Variants in ANKMY2 observed in about 807,000 individuals in gnomAD.
ANKMY2 encodes ankyrin repeat and MYND domain containing 2.
In ANKMY2, 36 loss-of-function variants were observed where a neutral mutation model predicts 50.4. That is an observed-to-expected ratio of 0.71 (90% CI 0.55 to 0.94). ANKMY2 has a LOEUF of 0.94. Among genes scored for constraint, ANKMY2 ranks in the 40% least tolerant of loss-of-function variants. The pLI is 0.00. For synonymous variants in ANKMY2, 187 were observed against 178.8 expected (o/e 1.05, Z -0.36); for missense variants, 565 against 524.0 (o/e 1.08, Z -0.76).
Position 16,609,629 on chromosome 7 carries a change from C to G in ANKMY2, c.882+1G>C. On this transcript the variant is annotated splice_donor_variant, in intron 7 of 9. Transcript: ENST00000306999. LOFTEE classifies it high-confidence loss of function. ...GTCAACTTAGGTAAGAGGAGCCTTA[C>G]AATTTCAACAGGAGCAATGCTTCGA... 6.3e-7 allele frequency: 1 copy of G among 1,597,436 alleles called. No individual in the cohort carries two copies. Among genetic ancestry groups the G allele is most frequent in the South Asian group, 1.1e-5 (1 of 87,720 alleles).
At chr7:16,638,865 A>G (rs970531624) in intron 1 of ANKMY2, among the ~76,000 whole-genome samples, 1 of 7,194 alleles carries the variant, frequency 1.4e-4, no homozygotes, top group African/African-American at 7.8e-4. Flanking sequence ...CTAGCACCCC[A>G]TTGTTCAGGA....
At chr7:16,628,268 T>C (rs1781533370) in intron 2 of ANKMY2, among the ~76,000 whole-genome samples, 3 of 152,202 alleles carry the variant, frequency 2.0e-5, no homozygotes, top group Admixed American at 2.0e-4. Context: ...AAATTATTCT[T>C]GATGCTTCCA....
intron 2 of ANKMY2, among the ~76,000 whole-genome samples, chr7:16,632,565 T>C (rs1781604094): frequency 6.6e-6 from 1 of 152,244 alleles, no homozygotes; most frequent in Admixed American, 6.5e-5. Flanking sequence ...GGTTGATGCA[T>C]GTTGTAGCAA....
intron 7 of ANKMY2, among the ~76,000 whole-genome samples, chr7:16,609,163 G>C (rs943189838): frequency 9.9e-5 from 15 of 152,144 alleles, no homozygotes; most frequent in African/African-American, 2.9e-4. Context: ...ATTATAGGAA[G>C]CTGAGGCATA....
chr7:16,601,577 TTTAA>T (rs1377769641), intron 9 of ANKMY2, among the ~76,000 whole-genome samples: 1 of 152,224 alleles, frequency 6.6e-6, no homozygotes, highest in Non-Finnish European at 1.5e-5. Flanking sequence ...GGATAAATGG[TTTAA>T]TTGTGTACAA....
intron 8 of ANKMY2, 87 bp from the exon 9 acceptor site, chr7:16,602,596 A>T: frequency 1.4e-6 from 2 of 1,460,442 alleles, no homozygotes; most frequent in Non-Finnish European, 1.8e-6. Flanking sequence ...CTAAGCTATA[A>T]AAATGTCATT....
intron 4 of ANKMY2, among the ~76,000 whole-genome samples, chr7:16,620,948 A>G (rs954608205): frequency 6.6e-6 from 1 of 152,216 alleles, no homozygotes; most frequent in African/African-American, 2.4e-5. Flanking sequence ...ATACAATGAT[A>G]AAACCAATAG....
At chr7:16,601,040 CATGAGGT>C in intron 9 of ANKMY2, 95 bp from the exon 10 acceptor site, 2 of 967,030 alleles carry the variant, frequency 2.1e-6, no homozygotes, top group Middle Eastern at 2.3e-4. Context: ...CTATCAACTA[CATGAGGT>C]ATATTAGTAT....
At chr7:16,601,391 G>A (rs1266368401) in intron 9 of ANKMY2, among the ~76,000 whole-genome samples, 1 of 152,190 alleles carries the variant, frequency 6.6e-6, no homozygotes, top group Non-Finnish European at 1.5e-5. Flanking sequence ...AGTGTTTGGT[G>A]CATGAATGAT....
intron 3 of ANKMY2, among the ~76,000 whole-genome samples, chr7:16,625,339 C>A (rs1226541718): frequency 1.3e-5 from 2 of 152,066 alleles, no homozygotes; most frequent in Non-Finnish European, 2.9e-5. Context: ...CCTTTTTAAA[C>A]AAAATGAAAT....
chr7:16,621,342 C>A (rs1389552433), intron 4 of ANKMY2, among the ~76,000 whole-genome samples: 1 of 152,128 alleles, frequency 6.6e-6, no homozygotes, highest in African/African-American at 2.4e-5. Context: ...TAAAAGTGTA[C>A]TGTGTAATTG....
At chr7:16,613,396 T>C (rs1467567594) in intron 5 of ANKMY2, among the ~76,000 whole-genome samples, 1 of 152,002 alleles carries the variant, frequency 6.6e-6, no homozygotes, top group East Asian at 1.9e-4. Context: ...GGTAGAGCAA[T>C]AAAAATGGGC....
intron 1 of ANKMY2, among the ~76,000 whole-genome samples, chr7:16,640,122 C>A (rs535880953): frequency 6.6e-6 from 1 of 151,968 alleles, no homozygotes; most frequent in Non-Finnish European, 1.5e-5. Flanking sequence ...GTCAAGATCG[C>A]GCCACTGCAC....
At chr7:16,617,380 C>G (rs893508555) in intron 4 of ANKMY2, among the ~76,000 whole-genome samples, 2 of 152,118 alleles carry the variant, frequency 1.3e-5, no homozygotes, top group African/African-American at 4.8e-5. Flanking sequence ...ATCCAGGACC[C>G]TATCAGCTTT....
At chr7:16,621,994 A>G (rs1781442575) in intron 4 of ANKMY2, among the ~76,000 whole-genome samples, 2 of 151,660 alleles carry the variant, frequency 1.3e-5, no homozygotes, top group Admixed American at 1.3e-4. Flanking sequence ...TAAATAAATA[A>G]ATAAATTTCC....
chr7:16,636,118 T>C (rs4721521), intron 2 of ANKMY2, among the ~76,000 whole-genome samples: 122,546 of 151,528 alleles, frequency 0.81, 49,906 homozygotes, highest in African/African-American at 0.89. Context: ...GCCAGGTGAA[T>C]ATAGTGAAAC....
intron 7 of ANKMY2, among the ~76,000 whole-genome samples, chr7:16,607,277 T>C (rs13228317): frequency 0.19 from 28,399 of 152,136 alleles, 2,867 homozygotes; most frequent in African/African-American, 0.25. Context: ...TTAATCATTA[T>C]ACTCTAGGCC....
intron 1 of ANKMY2, among the ~76,000 whole-genome samples, chr7:16,645,145 T>C (rs1219199067): frequency 6.6e-6 from 1 of 152,066 alleles, no homozygotes; most frequent in Non-Finnish European, 1.5e-5. Flanking sequence ...AACCTGAAAC[T>C]ACCAGGACTG....
At chr7:16,602,939 G>A (rs1374262843) in intron 8 of ANKMY2, among the ~76,000 whole-genome samples, 2 of 152,168 alleles carry the variant, frequency 1.3e-5, no homozygotes, top group East Asian at 1.9e-4. Flanking sequence ...ACCAGAAGCT[G>A]AGCAGATGCC....
Sources: gnomAD v4.1 joint callset for allele counts (sites outside exome capture counted in the v4.1 genomes callset) on GRCh38, gnomAD v4.1.1 for gene constraint, MANE v1.5 for transcripts, NCBI Gene and HGNC (gene_info 2026-07-23, HGNC 2026-07-21) for gene names.